SDCBP2: variants seen among roughly 807,000 people sequenced by gnomAD.
SDCBP2 encodes syndecan binding protein 2, also known as syntenin-2.
SDCBP2 carries 28 observed loss-of-function variants against 30.7 expected under a neutral mutation model. The observed-to-expected ratio is 0.91, with a 90% CI of 0.68 to 1.25. SDCBP2 has a LOEUF of 1.25. Ranked by LOEUF, SDCBP2 falls within the 50% of genes most tolerant of loss-of-function variation. SDCBP2 has a pLI of 0.00. For missense variants in SDCBP2, 399 were observed against 379.0 expected (o/e 1.05, Z -0.44); for synonymous variants, 166 against 157.3 (o/e 1.06, Z -0.41).
chr20:1,318,289 C>T (rs769251591), intron 4 of SDCBP2, 29 bp downstream of exon 4: 2 of 1,488,442 alleles, frequency 1.3e-6, no homozygotes, highest in East Asian at 4.5e-5. Flanking sequence ...AGGTTCTGCG[C>T]CCGCAGCAGG....
Position 1,320,487 on chromosome 20 carries a change from G to C in SDCBP2, c.-19-52C>G, listed in dbSNP as rs967142497. On this transcript the variant is annotated intron_variant, in intron 1 of 8. Coordinates refer to ENST00000360779, the MANE Select transcript of SDCBP2 (RefSeq NM_080489.5). This position sits in a 1 kb window ranked among gnomAD's most constrained non-coding sequence, Gnocchi z 4.7. ...ATAAGGATGCAGCTGATGCCCCCTT[G>C]AAAGGAGGCACAGACATCCGCAACA... 1.2e-5 allele frequency: 17 copies of C among 1,392,288 alleles called. No individual in the cohort carries two copies. Among genetic ancestry groups the C allele is most frequent in the Non-Finnish European group, 1.6e-5 (16 of 995,406 alleles). 86.2% of individuals were successfully genotyped at this position (1,392,288 alleles called of 1,614,324 possible).
intron 3 of SDCBP2, 30 bp from the exon 4 acceptor site, chr20:1,318,448 G>A: frequency 7.1e-7 from 1 of 1,411,334 alleles, no homozygotes; most frequent in Non-Finnish European, 9.8e-7. Context: ...GAATAAATGT[G>A]TCATTAGAGG....
chr20:1,321,228 A>T lies in SDCBP2; in HGVS notation c.-19-793T>A, dbSNP rs1278109181. ...GTGTCCTATTCACCCCACTGAACTC[A>T]CATGTGATGGGTACACATGATAAAG... On this transcript the variant is annotated intron_variant, in intron 1 of 8. Coordinates refer to ENST00000360779, the MANE Select transcript of SDCBP2 (RefSeq NM_080489.5). This position sits in a 1 kb window ranked among gnomAD's most constrained non-coding sequence, Gnocchi z 5.2. 6.6e-6 allele frequency: 1 copy of T among 152,184 alleles called. No homozygotes were observed. The highest frequency in any genetic ancestry group is 1.5e-5 in the Non-Finnish European group (1 of 68,064). The allele number at this position is 152,184 out of a possible 1,614,324, so 9.4% of individuals were successfully genotyped here.
rs775930097 is a variant in SDCBP2 at position 1,310,410 on chromosome 20, C to T, written c.*31G>A. On this transcript the variant is annotated 3_prime_UTR_variant, in exon 9 of 9. Coordinates refer to ENST00000360779, the MANE Select transcript of SDCBP2 (RefSeq NM_080489.5). Reference sequence around the variant, plus strand: ...CCCTTTGCTGCAGGAGGGCGGGAAGCCCCCCCTGCCTGCCCTGCCCTGCAG... The same window carrying T: ...CCCTTTGCTGCAGGAGGGCGGGAAGTCCCCCCTGCCTGCCCTGCCCTGCAG... 1.1e-4 allele frequency: 184 copies of T among 1,603,996 alleles called. No individual in the cohort carries two copies. The highest frequency in any genetic ancestry group is 1.4e-4 in the Non-Finnish European group (161 of 1,173,634).
chr20:1,317,924 A>G (rs1434558185), intron 4 of SDCBP2: 1 of 346,924 alleles, frequency 2.9e-6, no homozygotes, highest in South Asian at 2.2e-5. Context: ...GCAGGAATTG[A>G]GCCTTGTTGT....
In SDCBP2 at chr20:1,324,713, C is replaced by T. The variant is rs951546127; in HGVS notation, c.-19-4278G>A. Among the ~76,000 whole-genome samples, 26 of 152,158 alleles carry T rather than the reference C, an allele frequency of 1.7e-4. No individual in the cohort carries two copies. Among genetic ancestry groups the T allele is most frequent in the African/African-American group, 6.0e-4 (25 of 41,434 alleles). The stretch of plus-strand genomic sequence containing the variant: ...GAAAATCGCTGCCCACCCTGCTCCC[C>T]ACGGGTGAGTCACCCGAACAGCATG... On this transcript the variant is annotated intron_variant, in intron 1 of 8. Transcript: ENST00000360779. This position sits in a 1 kb window ranked among gnomAD's most constrained non-coding sequence, Gnocchi z 4.7.
intron 4 of SDCBP2, among the ~76,000 whole-genome samples, chr20:1,314,116 C>G (rs1019375548): frequency 3.3e-5 from 5 of 152,166 alleles, no homozygotes; most frequent in African/African-American, 4.8e-5. Context: ...TTAGCAAGGT[C>G]CTGGGATACA....
chr20:1,315,873 A>G (rs1339571923), intron 4 of SDCBP2, among the ~76,000 whole-genome samples: 1 of 152,130 alleles, frequency 6.6e-6, no homozygotes, highest in East Asian at 1.9e-4. Context: ...AACTCCCAAA[A>G]CACTACAGAC....
At chr20:1,310,753 G>T in intron 8 of SDCBP2, 47 bp downstream of exon 8, 1 of 1,519,274 alleles carries the variant, frequency 6.6e-7, no homozygotes, top group Non-Finnish European at 9.1e-7. Flanking sequence ...AGGTGAAGGG[G>T]ATGGCAGAGG....
At chr20:1,310,777 G>A in intron 8 of SDCBP2, 23 bp downstream of exon 8, 6 of 1,593,134 alleles carry the variant, frequency 3.8e-6, no homozygotes, top group Non-Finnish European at 5.2e-6. Flanking sequence ...GGTGAGGAGG[G>A]GTGAGGAGGG....
At chr20:1,310,935 C>A in intron 7 of SDCBP2, 44 bp from the exon 8 acceptor site, 1 of 1,457,600 alleles carries the variant, frequency 6.9e-7, no homozygotes. Context: ...GATTGGGGAC[C>A]AGGGGCAACT....
Position 1,310,281 on chromosome 20 carries a change from T to C in SDCBP2, c.*160A>G. The C allele has an allele frequency of 4.8e-6, 3 of 629,906 alleles. No homozygotes were observed. Among genetic ancestry groups the C allele is most frequent in the Non-Finnish European group, 8.3e-6 (3 of 361,870 alleles). The allele number at this position is 629,906 out of a possible 1,614,324, so 39.0% of individuals were successfully genotyped here. A position where few individuals can be genotyped will look rare whatever the true frequency, so the allele number is the denominator to read the frequency against. On this transcript the variant is annotated 3_prime_UTR_variant, in exon 9 of 9. Transcript: ENST00000360779. ...GAGTCTGAGGCTCCAAGGAGGCCTG[T>C]GTGTATAAGCCATCCCATGGTCACC...
At position 1,313,470 on chromosome 20, in the gene SDCBP2, TG is replaced by T; in HGVS notation, c.253del (p.Gln85ArgfsTer6). 1 of 1,597,626 alleles carries T rather than the reference TG, an allele frequency of 6.3e-7. No homozygotes were observed. The highest frequency in any genetic ancestry group is 8.5e-7 in the Non-Finnish European group (1 of 1,174,868). On this transcript the variant is annotated frameshift_variant, in exon 5 of 9. Transcript: ENST00000360779. LOFTEE classifies it high-confidence loss of function. The surrounding 1 kb of genome is among the most constrained non-coding windows in gnomAD (Gnocchi z 5.2). Reference protein sequence around the residue: ...STAVSGPGPGQMVAPVTGYSL... With the variant: ...STAVSGPGPGXMVAPVTGYSL... ...GTACCCGGTTACCGGTGCCACCATC[TG>T]GCCGGGCCCGGGGCCCGAGACCGCT...
At chr20:1,314,589 CA>C (rs11473327) in intron 4 of SDCBP2, among the ~76,000 whole-genome samples, 16,718 of 99,154 alleles carry the variant, frequency 0.17, 1,619 homozygotes, top group East Asian at 0.5. Context: ...TACAATCACT[CA>C]AAAAAAAAAA....
Position 1,324,910 on chromosome 20 carries a change from A to G in SDCBP2, c.-20+4175T>C, listed in dbSNP as rs541901474. ...GTTGGGTACAAGCGTGATCGGGTGT[A>G]AGCCAGCCTCAGCTTTTACAAAGTG... is the stretch of plus-strand genomic sequence containing the variant. On this transcript the variant is annotated intron_variant, in intron 1 of 8. Transcript: ENST00000360779. This position sits in a 1 kb window ranked among gnomAD's most constrained non-coding sequence, Gnocchi z 4.7. Among the ~76,000 whole-genome samples the G allele has an allele frequency of 5.4e-4, 83 of 152,348 alleles. No homozygotes were observed. The highest frequency in any genetic ancestry group is 9.1e-4 in the Admixed American group (14 of 15,304).
chr20:1,316,209 T>C (rs964950412), intron 4 of SDCBP2, among the ~76,000 whole-genome samples: 5 of 152,206 alleles, frequency 3.3e-5, no homozygotes, highest in African/African-American at 1.2e-4. Flanking sequence ...GGAAAGATGG[T>C]CCACATCATC....
Position 1,312,637 on chromosome 20 carries a change from C to T in SDCBP2, c.510G>A (p.Gln170=), listed in dbSNP as rs1210382760. 2 of 1,614,190 alleles carry T rather than the reference C, an allele frequency of 1.2e-6. No individual in the cohort carries two copies. The highest frequency in any genetic ancestry group is 1.7e-6 in the Non-Finnish European group (2 of 1,180,032). ...CAGWSSHKAH[Q]VVKKASGDKI... ...TATCGCCTGATGCCTTCTTCACCAC[C>T]TGATGGGCTTTGTGCGAGCTCCACC... is the stretch of plus-strand genomic sequence containing the variant. Residue 170 remains glutamine, a synonymous_variant, in exon 6 of 9, where the codon CAG becomes CAA. Coordinates refer to ENST00000360779, the MANE Select transcript of SDCBP2 (RefSeq NM_080489.5).
intron 1 of SDCBP2, chr20:1,323,783 T>C (rs1262521727): frequency 3.3e-5 from 5 of 152,254 alleles, no homozygotes; most frequent in Non-Finnish European, 5.9e-5. Flanking sequence ...GCAATGTAAA[T>C]GCTAAACAAA....
rs576683458 is a variant in SDCBP2, at chr20:1,312,119, G to A, written c.732+218C>T. ...GTTTCACATTGCCCAGGCTGGTCTC[G>A]TGCTCCTGGACTTAGTGATCCTCCT... On this transcript the variant is annotated intron_variant, in intron 7 of 8. Coordinates refer to ENST00000360779, the MANE Select transcript of SDCBP2 (RefSeq NM_080489.5). Among the ~76,000 whole-genome samples, 7 of 9,940 alleles carry A rather than the reference G, an allele frequency of 7.0e-4. No homozygotes were observed. The East Asian group carries it at 0.01, about 14-fold the overall frequency. 6.5% of individuals were successfully genotyped at this position (9,940 alleles called of 152,430 possible). A position where few individuals can be genotyped will look rare whatever the true frequency, so the allele number is the denominator to read the frequency against.
Sources: gnomAD v4.1 joint callset for allele counts (sites outside exome capture counted in the v4.1 genomes callset) on GRCh38, gnomAD v4.1.1 for gene constraint, Gnocchi (gnomAD v3.1) non-coding constraint, MANE v1.5 for transcripts, NCBI Gene and HGNC (gene_info 2026-07-23, HGNC 2026-07-21) for gene names.